Variants in NRXN3 observed in about 807,000 individuals in gnomAD.
NRXN3 encodes neurexin 3.
Under a neutral mutation model 137.6 loss-of-function variants are expected in NRXN3, and 32 were observed. That is an observed-to-expected ratio of 0.23 (90% CI 0.18 to 0.31). The LOEUF (loss-of-function observed/expected upper bound fraction) is 0.31. Ranked by LOEUF, NRXN3 falls within the 10% of genes least tolerant of loss-of-function variation. The pLI is 1.00. For missense variants in NRXN3, 1,574 were observed against 2,062.5 expected (o/e 0.76, Z 4.59); for synonymous variants, 798 against 784.5 (o/e 1.02, Z -0.29).
At chr14:78,772,854 G>A (rs982436473) in intron 8 of NRXN3, among the ~76,000 whole-genome samples, 5 of 152,140 alleles carry the variant, frequency 3.3e-5, no homozygotes, top group Non-Finnish European at 5.9e-5. Context: ...TGTTGAAAAT[G>A]CAATTTTAAA....
chr14:78,521,826 G>T (rs117580733), intron 4 of NRXN3, among the ~76,000 whole-genome samples: 2 of 152,022 alleles, frequency 1.3e-5, no homozygotes, highest in African/African-American at 4.8e-5. Context: ...GTTTTTGGGG[G>T]TTAACAAAAG....
At chr14:78,704,048 A>G (rs1371220277) in intron 6 of NRXN3, among the ~76,000 whole-genome samples, 1 of 152,212 alleles carries the variant, frequency 6.6e-6, no homozygotes, top group Non-Finnish European at 1.5e-5. Flanking sequence ...ACATTCTCAG[A>G]AAGTTGAGAA....
Position 79,739,382 on chromosome 14 carries a change from C to T in NRXN3, c.4014+41445C>T, listed in dbSNP as rs149293683. Among the ~76,000 whole-genome samples the T allele has an allele frequency of 6.8e-3, 1,031 of 152,124 alleles. 5 individuals carry two copies. Among genetic ancestry groups the T allele is most frequent in the Admixed American group, 0.01 (158 of 15,276 alleles). ...AGCCCTCACTGGGCATGGTGGCTCACGCCTGTAATCTCAGCATTTTGGGAG... is the reference window on the plus strand; with the variant it reads ...AGCCCTCACTGGGCATGGTGGCTCATGCCTGTAATCTCAGCATTTTGGGAG... On this transcript the variant is annotated intron_variant, in intron 19 of 20. Coordinates refer to ENST00000335750, the MANE Select transcript of NRXN3 (RefSeq NM_001330195.2).
chr14:78,374,525 C>T (rs574404948), intron 4 of NRXN3, among the ~76,000 whole-genome samples: 2 of 152,234 alleles, frequency 1.3e-5, no homozygotes, highest in East Asian at 3.9e-4. Context: ...GTAATCCCAG[C>T]ACTTTGGGAG....
chr14:79,024,442 C>T (rs1168880614), intron 15 of NRXN3, among the ~76,000 whole-genome samples: 1 of 152,148 alleles, frequency 6.6e-6, no homozygotes, highest in East Asian at 1.9e-4. Context: ...TCTGTGATAA[C>T]ATCATATCAC....
intron 10 of NRXN3, among the ~76,000 whole-genome samples, chr14:78,887,992 C>T (rs1431853017): frequency 2.6e-5 from 4 of 152,078 alleles, no homozygotes; most frequent in African/African-American, 7.2e-5. Flanking sequence ...TTTATTAAAT[C>T]ATCTGGGTAT....
chr14:78,752,323 C>A (rs118138713), intron 8 of NRXN3, among the ~76,000 whole-genome samples: 5,669 of 152,196 alleles, frequency 0.037, 137 homozygotes, highest in African/African-American at 0.07. Flanking sequence ...GGCTGAGGCA[C>A]CAGAATCACT....
intron 8 of NRXN3, among the ~76,000 whole-genome samples, chr14:78,800,397 C>T (rs192425643): frequency 2.0e-4 from 30 of 152,264 alleles, no homozygotes; most frequent in Non-Finnish European, 4.0e-4. Context: ...TTTTAGGTAT[C>T]ATTATTGATC....
At chr14:79,094,599 A>G (rs2049888484) in intron 15 of NRXN3, among the ~76,000 whole-genome samples, 1 of 152,226 alleles carries the variant, frequency 6.6e-6, no homozygotes, top group Admixed American at 6.5e-5. Context: ...AGGGATTAGT[A>G]TCTTCTGACG....
At chr14:78,365,677 G>T (rs902674233) in intron 4 of NRXN3, among the ~76,000 whole-genome samples, 1 of 152,140 alleles carries the variant, frequency 6.6e-6, no homozygotes, top group African/African-American at 2.4e-5. Context: ...AAAAAAATGT[G>T]GAGACTAATT....
At chr14:79,252,341 C>T (rs1321860927) in intron 15 of NRXN3, among the ~76,000 whole-genome samples, 2 of 152,256 alleles carry the variant, frequency 1.3e-5, no homozygotes, top group Middle Eastern at 3.4e-3. Context: ...AATCTATTTA[C>T]TTTTCATTTG....
chr14:79,739,730 G>A (rs2098954493), intron 19 of NRXN3, among the ~76,000 whole-genome samples: 1 of 148,928 alleles, frequency 6.7e-6, no homozygotes, highest in African/African-American at 2.5e-5. Flanking sequence ...TGTCTACTGT[G>A]CTGACCATAT....
Position 79,295,199 on chromosome 14 carries a change from A to G in NRXN3, c.3263-172022A>G, listed in dbSNP as rs182841116. Among the ~76,000 whole-genome samples the G allele has an allele frequency of 8.4e-4, 128 of 151,974 alleles. 3 individuals are homozygous for G. The East Asian group carries it at 0.022, about 27-fold the overall frequency. ...CCTTTTTTCCCCCCTTGAATATATC[A>G]ATCTTGCTACTACCATAGTGCCTTT... On this transcript the variant is annotated intron_variant, in intron 15 of 20. Coordinates refer to ENST00000335750, the MANE Select transcript of NRXN3 (RefSeq NM_001330195.2).
At chr14:78,974,312 C>G (rs1319483732) in intron 14 of NRXN3, among the ~76,000 whole-genome samples, 1 of 152,198 alleles carries the variant, frequency 6.6e-6, no homozygotes, top group Non-Finnish European at 1.5e-5. Flanking sequence ...GCGGATTAAA[C>G]TAGACAACTA....
intron 4 of NRXN3, among the ~76,000 whole-genome samples, chr14:78,556,287 C>A (rs1189132328): frequency 6.6e-6 from 1 of 152,206 alleles, no homozygotes; most frequent in Admixed American, 6.5e-5. Context: ...TTGGAAATTG[C>A]TCTTTGTTAA....
intron 4 of NRXN3, among the ~76,000 whole-genome samples, chr14:78,549,701 A>G (rs1225576796): frequency 5.9e-5 from 9 of 152,132 alleles, no homozygotes; most frequent in Admixed American, 5.2e-4. Context: ...TTTGCTATCT[A>G]ATTTTGCCAT....
intron 15 of NRXN3, among the ~76,000 whole-genome samples, chr14:79,313,870 C>G (rs1353488702): frequency 8.0e-6 from 1 of 124,342 alleles, no homozygotes. Flanking sequence ...ACTTCTTTGC[C>G]TTTGGTTTGA....
chr14:79,780,660 C>A (rs1448957533), intron 19 of NRXN3, among the ~76,000 whole-genome samples: 1 of 152,110 alleles, frequency 6.6e-6, no homozygotes, highest in African/African-American at 2.4e-5. Context: ...GGGTTCAATA[C>A]AATCTCAATT....
At chr14:79,423,493 G>C (rs756806757) in intron 15 of NRXN3, among the ~76,000 whole-genome samples, 3 of 152,204 alleles carry the variant, frequency 2.0e-5, no homozygotes, top group Non-Finnish European at 4.4e-5. Flanking sequence ...ACTAGAAGAA[G>C]ACTAGTTGAT....
Sources: gnomAD v4.1 joint callset for allele counts (sites outside exome capture counted in the v4.1 genomes callset) on GRCh38, gnomAD v4.1.1 for gene constraint, MANE v1.5 for transcripts, NCBI Gene and HGNC (gene_info 2026-07-23, HGNC 2026-07-21) for gene names.